MYO18B: variants seen among roughly 807,000 people sequenced by gnomAD.
MYO18B encodes the protein unconventional myosin-XVIIIb.
A neutral mutation model predicts 273.0 loss-of-function variants in MYO18B; 204 were observed. The observed-to-expected ratio is 0.75, with a 90% confidence interval of 0.67 to 0.84. The LOEUF is 0.84. Ranked by LOEUF, MYO18B falls within the 40% of genes least tolerant of loss-of-function variation. The probability of loss-of-function intolerance (pLI) is 0.00; values close to 1 mark genes in which losing one functional copy is unlikely to be tolerated. For synonymous variants in MYO18B, 1,330 were observed against 1,305.7 expected (o/e 1.02, Z -0.40); for missense variants, 3,212 against 3,287.6 (o/e 0.98, Z 0.56).
At chr22:25,989,626 CAAAAAAA>C (rs56004208) in intron 39 of MYO18B, among the ~76,000 whole-genome samples, 15,945 of 88,012 alleles carry the variant, frequency 0.18, 576 homozygotes, top group Non-Finnish European at 0.22. Flanking sequence ...ACTAAAAATA[CAAAAAAA>C]AAAAAAAAAA....
chr22:25,973,373 A>G (rs1318754595), intron 39 of MYO18B, among the ~76,000 whole-genome samples: 1 of 152,190 alleles, frequency 6.6e-6, no homozygotes, highest in Non-Finnish European at 1.5e-5. Context: ...GAACCTTCAG[A>G]CCATAGAAAT....
At chr22:26,041,059 G>A in the MYO18B span, among the ~76,000 whole-genome samples, 16,042 of 152,148 alleles carry the variant, frequency 0.11, 1,049 homozygotes, top group Middle Eastern at 0.18. Flanking sequence ...TCCAACCCAC[G>A]GTCCGTGGGA....
chr22:25,994,072 C>T (rs1009268348), intron 40 of MYO18B, among the ~76,000 whole-genome samples: 1 of 152,124 alleles, frequency 6.6e-6, no homozygotes, highest in African/African-American at 2.4e-5. Context: ...TAATGCAGTC[C>T]TGGGCTGGTC....
intron 22 of MYO18B, among the ~76,000 whole-genome samples, chr22:25,871,698 G>T (rs761730301): frequency 1.2e-4 from 18 of 152,140 alleles, no homozygotes; most frequent in Non-Finnish European, 2.4e-4. Flanking sequence ...CCTTATCAAG[G>T]CTTGTGCTGA....
At chr22:25,759,543 G>T (rs2086236222) in intron 1 of MYO18B, among the ~76,000 whole-genome samples, 2 of 152,168 alleles carry the variant, frequency 1.3e-5, no homozygotes, top group Non-Finnish European at 1.5e-5. Flanking sequence ...AGGGGAGGGA[G>T]AGCATTAGGA....
chr22:26,025,639 G>A (rs1272286190), intron 42 of MYO18B, among the ~76,000 whole-genome samples: 4 of 152,088 alleles, frequency 2.6e-5, no homozygotes, highest in African/African-American at 9.7e-5. Flanking sequence ...GAGGGAATGG[G>A]GTCGTTTCTC....
At chr22:25,803,403 GT>G (rs112440913) in intron 12 of MYO18B, among the ~76,000 whole-genome samples, 12 of 150,036 alleles carry the variant, frequency 8.0e-5, no homozygotes, top group East Asian at 2.0e-4. Context: ...CCATGGACCA[GT>G]TTTTTTTTTC....
intron 7 of MYO18B, 134 bp downstream of exon 7, chr22:25,772,644 C>A: frequency 2.2e-6 from 2 of 907,094 alleles, no homozygotes; most frequent in Non-Finnish European, 3.3e-6. Flanking sequence ...ATCCTTCTCG[C>A]GGCATTGTGG....
At chr22:25,785,094 C>T (rs1332407031) in intron 10 of MYO18B, among the ~76,000 whole-genome samples, 1 of 152,178 alleles carries the variant, frequency 6.6e-6, no homozygotes, top group African/African-American at 2.4e-5. Context: ...AGTAAGGGCT[C>T]GTTCATGTTG....
the MYO18B span, among the ~76,000 whole-genome samples, chr22:26,057,014 T>C: frequency 4.6e-5 from 7 of 152,106 alleles, no homozygotes; most frequent in Non-Finnish European, 1.0e-4. Context: ...AAGCCTCCCG[T>C]GTACCAAGCC....
chr22:25,820,541 GT>G (rs139857166), intron 12 of MYO18B, among the ~76,000 whole-genome samples: 30,358 of 151,998 alleles, frequency 0.2, 3,179 homozygotes, highest in Non-Finnish European at 0.21. Flanking sequence ...ACTTTTTTTA[GT>G]TTTATTTTTT....
chr22:25,772,664 G>A (rs56992949), intron 7 of MYO18B, among the ~76,000 whole-genome samples, 154 bp downstream of exon 7: 2,156 of 152,312 alleles, frequency 0.014, 57 homozygotes, highest in African/African-American at 0.047. Flanking sequence ...GCATCCTGTG[G>A]CATGGACCAT....
At chr22:25,946,562 A>G (rs974615177) in intron 35 of MYO18B, among the ~76,000 whole-genome samples, 2 of 152,168 alleles carry the variant, frequency 1.3e-5, no homozygotes, top group Non-Finnish European at 2.9e-5. Flanking sequence ...CCCATCTGCA[A>G]CGATAAGCAA....
intron 17 of MYO18B, among the ~76,000 whole-genome samples, chr22:25,839,268 GTA>G (rs1011818238): frequency 1.3e-5 from 2 of 152,116 alleles, no homozygotes; most frequent in African/African-American, 2.4e-5. Flanking sequence ...GTGCATGTGT[GTA>G]TATGTGTGTG....
chr22:25,826,397 C>A lies in MYO18B; in HGVS notation c.2696-12C>A. 6.2e-7 allele frequency: 1 copy of A among 1,606,784 alleles called. No homozygotes were observed. Among genetic ancestry groups the A allele is most frequent in the South Asian group, 1.1e-5 (1 of 89,916 alleles). ...CCCTAACCAAGAATGCTGATTCTGT[C>A]CTCTTTCCCAGGGCTCAAGATGACA... On this transcript the variant is annotated splice_polypyrimidine_tract_variant and intron_variant, in intron 13 of 43. Coordinates refer to ENST00000335473, the MANE Select transcript of MYO18B (RefSeq NM_032608.7).
At chr22:25,832,063 C>T (rs2089726738) in intron 15 of MYO18B, among the ~76,000 whole-genome samples, 1 of 152,128 alleles carries the variant, frequency 6.6e-6, no homozygotes, top group South Asian at 2.1e-4. Flanking sequence ...ACACCACCTC[C>T]CACACACTAC....
At chr22:26,037,285 A>G in the MYO18B span, among the ~76,000 whole-genome samples, 146 of 152,268 alleles carry the variant, frequency 9.6e-4, no homozygotes, top group Non-Finnish European at 1.9e-3. Context: ...TTCTCGAGTA[A>G]TAAGGGGTGG....
chr22:25,955,532 C>A (rs1342302918), intron 39 of MYO18B, among the ~76,000 whole-genome samples, 168 bp downstream of exon 39: 17 of 152,164 alleles, frequency 1.1e-4, no homozygotes. Context: ...TGAGACAACA[C>A]CGTCATTGGC....
intron 7 of MYO18B, 48 bp downstream of exon 7, chr22:25,772,558 G>T (rs561404656): frequency 6.4e-7 from 1 of 1,554,690 alleles, no homozygotes; most frequent in African/African-American, 1.4e-5. Flanking sequence ...AGGGCAGGGG[G>T]GCCTGGGGGG....
Sources: allele counts gnomAD v4.1 joint callset (sites outside exome capture counted in the v4.1 genomes callset), GRCh38; gene constraint gnomAD v4.1.1; transcripts MANE v1.5; gene names NCBI Gene and HGNC (gene_info 2026-07-23, HGNC 2026-07-21).